The following SHISA6 variants were observed in gnomAD, a reference collection of about 807,000 sequenced individuals.
SHISA6 encodes shisa family member 6.
A neutral mutation model predicts 47.9 loss-of-function variants in SHISA6; 22 were observed. The observed-to-expected ratio is 0.46, with a 90% CI of 0.33 to 0.66. The LOEUF is 0.66. Ranked by LOEUF, SHISA6 falls within the 30% of genes least tolerant of loss-of-function variation. The pLI is 0.02. For synonymous variants in SHISA6, 388 were observed against 337.8 expected, an observed-to-expected ratio of 1.15 and a Z score of -1.63; for missense variants, 680 against 764.6, an observed-to-expected ratio of 0.89 and a Z score of 1.30.
intron 3 of SHISA6, among the ~76,000 whole-genome samples, chr17:11,486,127 T>G (rs1343206521): frequency 6.6e-6 from 1 of 152,200 alleles, no homozygotes; most frequent in African/African-American, 2.4e-5. Context: ...CTCACTGTGA[T>G]TCTAAGCAGG....
At chr17:11,246,724 C>T (rs78151225) in intron 1 of SHISA6, among the ~76,000 whole-genome samples, 1,807 of 152,308 alleles carry the variant, frequency 0.012, 31 homozygotes, top group African/African-American at 0.041. Context: ...CTCTTGCAGA[C>T]ACACGCAGAC....
intron 3 of SHISA6, among the ~76,000 whole-genome samples, chr17:11,496,780 G>T (rs1016314234): frequency 1.3e-5 from 2 of 152,038 alleles, no homozygotes; most frequent in African/African-American, 4.8e-5. Flanking sequence ...ATAGAAGTGG[G>T]ATAGGTAGGA....
At chr17:11,412,316 G>C (rs1483920824) in intron 3 of SHISA6, among the ~76,000 whole-genome samples, 3 of 152,108 alleles carry the variant, frequency 2.0e-5, no homozygotes, top group African/African-American at 7.2e-5. Context: ...TAAGTAAATA[G>C]CAAATAACTA....
intron 2 of SHISA6, among the ~76,000 whole-genome samples, chr17:11,341,129 G>A (rs1192177914): frequency 6.6e-6 from 1 of 152,170 alleles, no homozygotes; most frequent in Non-Finnish European, 1.5e-5. Flanking sequence ...CTCTCATATT[G>A]GTTACAGGGA....
intron 2 of SHISA6, among the ~76,000 whole-genome samples, chr17:11,325,081 G>A (rs1910832953): frequency 6.6e-6 from 1 of 152,144 alleles, no homozygotes; most frequent in South Asian, 2.1e-4. Context: ...TCTGAGAAAT[G>A]TGCCATCATT....
chr17:11,289,640 G>A (rs1434978854), intron 2 of SHISA6: 1 of 150,484 alleles, frequency 6.6e-6, no homozygotes, highest in Non-Finnish European at 1.5e-5. Flanking sequence ...TCTATAATTA[G>A]TACAACTTTT....
rs4055800 is a variant in SHISA6 at position 11,330,489 on chromosome 17, G to GGAGAGAGAGAGA, written c.800-48910_800-48899dup. 5.9e-3 allele frequency among the ~76,000 whole-genome samples: 874 copies of GGAGAGAGAGAGA among 147,630 alleles called. 9 individuals carry two copies. The highest frequency in any genetic ancestry group is 0.021 in the African/African-American group (832 of 39,394). On this transcript the variant is annotated intron_variant, in intron 2 of 5. Coordinates refer to ENST00000441885, the MANE Select transcript of SHISA6 (RefSeq NM_207386.4). ...TCTAAAATTCTGAGAGTAATGCTAG[G>GGAGAGAGAGAGA]GAGAGAGAGAGAGAGAGAGAGAGAG...
intron 1 of SHISA6, among the ~76,000 whole-genome samples, chr17:11,258,827 G>C (rs1839111359): frequency 6.6e-6 from 1 of 152,206 alleles, no homozygotes; most frequent in African/African-American, 2.4e-5. Context: ...TGAGTTCTTA[G>C]GTCTGGGTAG....
At chr17:11,548,303 A>G (rs1328016662) in intron 3 of SHISA6, among the ~76,000 whole-genome samples, 2 of 152,218 alleles carry the variant, frequency 1.3e-5, no homozygotes, top group African/African-American at 4.8e-5. Flanking sequence ...TCCAAAAAAC[A>G]GATGCTTCAT....
intron 3 of SHISA6, among the ~76,000 whole-genome samples, chr17:11,473,119 C>CA (rs754118215): frequency 3.0e-4 from 46 of 152,256 alleles, no homozygotes; most frequent in Middle Eastern, 3.4e-3. Flanking sequence ...CTCATCTTCT[C>CA]ATTGTCTTGA....
At chr17:11,444,114 T>C (rs1915167732) in intron 3 of SHISA6, among the ~76,000 whole-genome samples, 1 of 151,840 alleles carries the variant, frequency 6.6e-6, no homozygotes, top group Non-Finnish European at 1.5e-5. Flanking sequence ...AGGTCAGGAG[T>C]TGGAGACCAG....
In SHISA6 at chr17:11,263,465, G is replaced by A. The variant is rs62000368; in HGVS notation, c.738G>A (p.Thr246=). The A allele has an allele frequency of 0.076, 117,165 of 1,551,578 alleles. 5,019 individuals are homozygous for A. The highest frequency in any genetic ancestry group is 0.19 in the East Asian group (7,898 of 40,884). ...SAIDTSPKEN[T]PVRSSSKNHY... ...TCGATACCTCTCCCAAAGAGAACAC[G>A]CCGGTCAGATCGTCCTCCAAAAACC... Residue 246 remains threonine (T), a synonymous_variant, in exon 2 of 6, where the codon ACG becomes ACA. Coordinates refer to ENST00000441885, the MANE Select transcript of SHISA6 (RefSeq NM_207386.4).
At chr17:11,496,444 G>A (rs757054629) in intron 3 of SHISA6, among the ~76,000 whole-genome samples, 28 of 152,190 alleles carry the variant, frequency 1.8e-4, no homozygotes, top group Non-Finnish European at 1.3e-4. Flanking sequence ...GGCATAGAAC[G>A]GGATAGAAGT....
chr17:11,284,507 T>C (rs1217265141), intron 2 of SHISA6, among the ~76,000 whole-genome samples: 2 of 152,150 alleles, frequency 1.3e-5, no homozygotes, highest in Non-Finnish European at 2.9e-5. Flanking sequence ...CCAAATAATG[T>C]GGAATTTATT....
chr17:11,542,194 C>T (rs1348310717), intron 3 of SHISA6, among the ~76,000 whole-genome samples: 3 of 152,096 alleles, frequency 2.0e-5, no homozygotes, highest in African/African-American at 7.2e-5. Context: ...TCAAAACAGA[C>T]TCAGCAGATT....
At chr17:11,333,065 T>C (rs1370615164) in intron 2 of SHISA6, among the ~76,000 whole-genome samples, 1 of 152,186 alleles carries the variant, frequency 6.6e-6, no homozygotes, top group Non-Finnish European at 1.5e-5. Context: ...GCCACATCTT[T>C]ATCACTGTGA....
intron 3 of SHISA6, among the ~76,000 whole-genome samples, chr17:11,460,227 A>G (rs1407654797): frequency 6.6e-6 from 1 of 152,240 alleles, no homozygotes; most frequent in Non-Finnish European, 1.5e-5. Context: ...GATTTTGTCC[A>G]GATGCAGGAA....
chr17:11,542,738 A>G (rs2142380094), intron 3 of SHISA6, among the ~76,000 whole-genome samples: 1 of 152,302 alleles, frequency 6.6e-6, no homozygotes, highest in East Asian at 1.9e-4. Flanking sequence ...TTCTTGCCTA[A>G]GTGTAAGCTC....
intron 3 of SHISA6, among the ~76,000 whole-genome samples, chr17:11,386,526 A>T (rs927243854): frequency 6.6e-6 from 1 of 152,190 alleles, no homozygotes; most frequent in African/African-American, 2.4e-5. Flanking sequence ...AGAAGGGAGG[A>T]TGGTGAAAAG....
Sources: allele counts gnomAD v4.1 joint callset (sites outside exome capture counted in the v4.1 genomes callset), GRCh38; gene constraint gnomAD v4.1.1; transcripts MANE v1.5; gene names NCBI Gene and HGNC (gene_info 2026-07-23, HGNC 2026-07-21).